SORCS2: variants seen among roughly 807,000 people sequenced by gnomAD.
SORCS2 encodes sortilin related VPS10 domain containing receptor 2, also known as VPS10 domain-containing receptor SorCS2.
SORCS2 carries 100 observed loss-of-function variants against 141.6 expected under a neutral mutation model. The ratio of observed to expected loss-of-function variants is 0.71; its 90% confidence interval spans 0.60 to 0.83. The LOEUF is 0.83. Among genes scored for constraint, SORCS2 ranks in the 40% least tolerant of loss-of-function variants. The pLI, the probability that SORCS2 is intolerant of heterozygous loss-of-function variation, is 0.00. For missense variants in SORCS2, 1,646 were observed against 1,560.2 expected, an observed-to-expected ratio of 1.05 and a Z score of -0.93; for synonymous variants, 789 against 676.9, an observed-to-expected ratio of 1.17 and a Z score of -2.57.
At chr4:7,257,391 T>C (rs1231468875) in intron 1 of SORCS2, among the ~76,000 whole-genome samples, 5 of 151,318 alleles carry the variant, frequency 3.3e-5, no homozygotes, top group Non-Finnish European at 7.4e-5. Flanking sequence ...GGTGGGGAAC[T>C]CCCCGGGGCT....
intron 1 of SORCS2, among the ~76,000 whole-genome samples, chr4:7,340,212 C>T (rs771324945): frequency 7.2e-5 from 11 of 152,230 alleles, no homozygotes; most frequent in South Asian, 2.1e-4. Flanking sequence ...GAGGCTGAGC[C>T]AGCACCACAA....
rs868771352 is a variant in SORCS2, at chr4:7,453,112, T to G, written c.548+56757T>G. ...TGTTGGGGTCAGGCACTGTGTTGGG[T>G]TCAGGAGCTGTGTGTTGGGGTCAGG... On this transcript the variant is annotated intron_variant, in intron 2 of 26. Transcript: ENST00000507866. 7.1e-3 allele frequency among the ~76,000 whole-genome samples: 455 copies of G among 64,088 alleles called. No homozygotes were observed. The Middle Eastern group carries it at 0.08, about 11-fold the overall frequency. The allele number at this position is 64,088 out of a possible 152,430, so 42.0% of individuals were successfully genotyped here. A position where few individuals can be genotyped will look rare whatever the true frequency, so the allele number is the denominator to read the frequency against.
intron 3 of SORCS2, among the ~76,000 whole-genome samples, chr4:7,577,630 G>A (rs568051368): frequency 1.7e-4 from 25 of 151,184 alleles, no homozygotes; most frequent in African/African-American, 5.6e-4. Context: ...TAGCATACAG[G>A]CGAAGTCAGC....
chr4:7,296,113 C>T (rs1717031036), intron 1 of SORCS2, among the ~76,000 whole-genome samples: 1 of 152,342 alleles, frequency 6.6e-6, no homozygotes, highest in African/African-American at 2.4e-5. Context: ...TGGCCTCTTC[C>T]TCTTGGCTGC....
At chr4:7,321,022 T>C (rs373796248) in intron 1 of SORCS2, among the ~76,000 whole-genome samples, 47 of 152,130 alleles carry the variant, frequency 3.1e-4, no homozygotes, top group Middle Eastern at 3.4e-3. Flanking sequence ...AAGTCTGAGA[T>C]TTTATCAGCA....
At chr4:7,425,306 T>C (rs540420301) in intron 2 of SORCS2, among the ~76,000 whole-genome samples, 1 of 152,206 alleles carries the variant, frequency 6.6e-6, no homozygotes, top group East Asian at 1.9e-4. Context: ...CTGCTCTCTG[T>C]CTCCACAGCC....
chr4:7,480,649 C>G (rs1730573943), intron 2 of SORCS2, among the ~76,000 whole-genome samples: 1 of 152,254 alleles, frequency 6.6e-6, no homozygotes, highest in South Asian at 2.1e-4. Flanking sequence ...TGGCAGGTGC[C>G]CCGGGTAGCC....
At chr4:7,369,180 G>A (rs530299147) in intron 1 of SORCS2, among the ~76,000 whole-genome samples, 9 of 152,180 alleles carry the variant, frequency 5.9e-5, no homozygotes, top group Middle Eastern at 3.4e-3. Flanking sequence ...AAGTGGTGGC[G>A]TGCACCTGTA....
At chr4:7,284,875 T>C (rs549814043) in intron 1 of SORCS2, among the ~76,000 whole-genome samples, 94 of 152,178 alleles carry the variant, frequency 6.2e-4, no homozygotes, top group African/African-American at 2.2e-3. Context: ...CCTCTTCTGG[T>C]TTCTGGTGGC....
chr4:7,220,315 T>C (rs890971225), intron 1 of SORCS2, among the ~76,000 whole-genome samples: 1 of 152,010 alleles, frequency 6.6e-6, no homozygotes, highest in Non-Finnish European at 1.5e-5. Context: ...TGGCATGAAT[T>C]GTTTACGGGT....
intron 1 of SORCS2, among the ~76,000 whole-genome samples, chr4:7,318,366 C>T (rs924822920): frequency 1.3e-5 from 2 of 152,158 alleles, no homozygotes; most frequent in Non-Finnish European, 2.9e-5. Context: ...AAGGCGAATG[C>T]ACCATACTGG....
chr4:7,680,383 ATGG>A (rs1723447944), intron 9 of SORCS2, among the ~76,000 whole-genome samples: 1 of 152,238 alleles, frequency 6.6e-6, no homozygotes, highest in Admixed American at 6.5e-5. Context: ...CCCCTGTGAC[ATGG>A]AGTCCTGGGT....
In SORCS2 at chr4:7,638,486, G is replaced by A. The variant is rs772683140; in HGVS notation, c.807G>A (p.Glu269=). 16 of 1,610,606 alleles carry A rather than the reference G, an allele frequency of 9.9e-6. No homozygotes were observed. The highest frequency in any genetic ancestry group is 8.0e-5 in the African/African-American group (6 of 74,694). The change falls in exon 4 of 27, where the codon GAG becomes GAA. Residue 269 remains glutamate, a synonymous_variant. Coordinates refer to ENST00000507866, the MANE Select transcript of SORCS2 (RefSeq NM_020777.3). ...EEDKVLAYTK[E]SKLYVSSDLG... ...ACAAGGTCCTCGCCTACACAAAGGA[G>A]AGCAAGGTAAGATATATGGGTGCCA... is the stretch of plus-strand genomic sequence containing the variant.
intron 2 of SORCS2, among the ~76,000 whole-genome samples, chr4:7,469,444 G>A (rs767931715): frequency 1.6e-4 from 24 of 152,328 alleles, no homozygotes; most frequent in Middle Eastern, 3.4e-3. Context: ...TGGAATGTGC[G>A]GTTCATGTAT....
chr4:7,606,266 C>T (rs1718056752), intron 3 of SORCS2, among the ~76,000 whole-genome samples: 1 of 152,156 alleles, frequency 6.6e-6, no homozygotes, highest in Non-Finnish European at 1.5e-5. Flanking sequence ...TCTTTACAAC[C>T]TGCCGGAGAA....
chr4:7,398,482 G>A (rs1037662168), intron 2 of SORCS2, among the ~76,000 whole-genome samples: 4 of 152,162 alleles, frequency 2.6e-5, no homozygotes, highest in African/African-American at 9.7e-5. Flanking sequence ...AATTTTCCGT[G>A]TTCCCTTCTC....
intron 1 of SORCS2, among the ~76,000 whole-genome samples, chr4:7,331,496 G>A (rs925999831): frequency 6.6e-6 from 1 of 152,164 alleles, no homozygotes; most frequent in African/African-American, 2.4e-5. Context: ...AGAGACCCTG[G>A]TAGAGCTGAT....
chr4:7,432,517 A>C (rs1726941130), intron 2 of SORCS2: 1 of 151,686 alleles, frequency 6.6e-6, no homozygotes, highest in African/African-American at 2.4e-5. Context: ...GCTGCTCCAC[A>C]TCCCGGTGGC....
intron 3 of SORCS2, among the ~76,000 whole-genome samples, chr4:7,587,947 T>C (rs1716651099): frequency 1.3e-5 from 2 of 152,232 alleles, no homozygotes; most frequent in Non-Finnish European, 2.9e-5. Flanking sequence ...AATGCATTTT[T>C]TCAGGCCTTT....
Sources: allele counts gnomAD v4.1 joint callset (sites outside exome capture counted in the v4.1 genomes callset), GRCh38; gene constraint gnomAD v4.1.1; transcripts MANE v1.5; gene names NCBI Gene and HGNC (gene_info 2026-07-23, HGNC 2026-07-21).